SMC6: variants seen among roughly 807,000 people sequenced by gnomAD.
SMC6 encodes the protein structural maintenance of chromosomes protein 6.
A neutral mutation model predicts 142.2 loss-of-function variants in SMC6; 79 were observed. That is an observed-to-expected ratio of 0.56 (90% CI 0.46 to 0.67). SMC6 has a LOEUF of 0.67. Among genes scored for constraint, SMC6 ranks in the 30% least tolerant of loss-of-function variants. The pLI is 0.00. For synonymous variants in SMC6, 411 were observed against 412.4 expected (o/e 1.00, Z 0.04); for missense variants, 1,072 against 1,284.0 (o/e 0.83, Z 2.52).
At chr2:17,666,638 C>T in intron 26 of SMC6, 121 bp from the exon 27 acceptor site, 2 of 682,906 alleles carry the variant, frequency 2.9e-6, no homozygotes, top group African/African-American at 1.8e-5. Context: ...ATTACATTAT[C>T]TATGATGTCC....
chr2:17,730,735 T>G (rs189449689), intron 7 of SMC6, among the ~76,000 whole-genome samples: 1 of 151,668 alleles, frequency 6.6e-6, no homozygotes, highest in African/African-American at 2.4e-5. Context: ...CCCAAGTAGC[T>G]AGGATTACAG....
At chr2:17,715,298 G>C (rs1219708855) in intron 15 of SMC6, among the ~76,000 whole-genome samples, 1 of 151,998 alleles carries the variant, frequency 6.6e-6, no homozygotes, top group East Asian at 1.9e-4. Context: ...GGATACAATG[G>C]AGAGAAAATC....
rs762580775 is a variant in SMC6, at chr2:17,725,304, T to C, written c.679A>G (p.Met227Val). 3 of 1,609,584 alleles carry C rather than the reference T, an allele frequency of 1.9e-6. No homozygotes were observed. The highest frequency in any genetic ancestry group is 2.5e-6 in the Non-Finnish European group (3 of 1,179,056). The change falls in exon 9 of 28, where the codon ATG (methionine) becomes GTG (valine). Residue 227 changes from methionine (M) to valine (V), a missense_variant. Coordinates refer to ENST00000448223, the MANE Select transcript of SMC6 (RefSeq NM_001142286.2). ...TCCTTTGTTCTTTCTTTCGTTTCCA[T>C]AATGTATGAATAATCTTCCTTCATC... is the stretch of plus-strand genomic sequence containing the variant. ...EQMKEDYSYI[M>V]ETKERTKEQI...
chr2:17,727,186 C>T (rs550924156), intron 7 of SMC6, among the ~76,000 whole-genome samples: 1 of 152,144 alleles, frequency 6.6e-6, no homozygotes, highest in East Asian at 1.9e-4. Flanking sequence ...GGTGTGTTCC[C>T]GAGGGTATTG....
In SMC6 at chr2:17,717,271, C is replaced by T. The variant is rs945572431; in HGVS notation, c.1093-95G>A. 7.3e-5 allele frequency: 56 copies of T among 762,422 alleles called. No individual in the cohort carries two copies. In the East Asian group the frequency reaches 1.5e-3, roughly 21 times the overall value. The allele number at this position is 762,422 out of a possible 1,614,324, so 47.2% of individuals were successfully genotyped here. A position where few individuals can be genotyped will look rare whatever the true frequency, so the allele number is the denominator to read the frequency against. ...CAAATCTTCAGAGGCTGAATATATA[C>T]AGGAATATATTTTTTAAATGAAGCA... is the stretch of plus-strand genomic sequence containing the variant. On this transcript the variant is annotated intron_variant, in intron 12 of 27. Transcript: ENST00000448223.
In SMC6 at chr2:17,698,056, A is replaced by T. The variant is rs573160266; in HGVS notation, c.2395-1630T>A. Among the ~76,000 whole-genome samples, 7 of 152,222 alleles carry T rather than the reference A, an allele frequency of 4.6e-5. No homozygotes were observed. In the East Asian group the frequency reaches 1.3e-3, roughly 29 times the overall value. On this transcript the variant is annotated intron_variant, in intron 21 of 27. Transcript: ENST00000448223. ...GTAACAAAAGACCACATACTATATG[A>T]TTCTACTCATATGAAATATCTGGAA...
chr2:17,738,843 T>C (rs1012958354), intron 4 of SMC6, among the ~76,000 whole-genome samples: 1 of 152,092 alleles, frequency 6.6e-6, no homozygotes, highest in Non-Finnish European at 1.5e-5. Flanking sequence ...AGACACAGTG[T>C]TGGTATGTTG....
chr2:17,718,209 C>T lies in SMC6; in HGVS notation c.960G>A (p.Glu320=), dbSNP rs374248750. Residue 320 remains glutamate, a synonymous_variant, in exon 12 of 28, where the codon GAG becomes GAA. Transcript: ENST00000448223. ...GAATATCCTTGTACTTTTGTTCTGC[C>T]TCATTAAGTCTGACCTTTAAGAAAA... The part of the protein sequence containing the change: ...KMEEQQVRLN[E]AEQKYKDIQD... 1.9e-4 allele frequency: 297 copies of T among 1,597,814 alleles called. 2 individuals carry two copies. The South Asian group carries it at 2.9e-3, about 16-fold the overall frequency.
intron 7 of SMC6, among the ~76,000 whole-genome samples, chr2:17,728,907 C>T (rs1381777116): frequency 1.3e-5 from 2 of 152,092 alleles, no homozygotes; most frequent in African/African-American, 4.8e-5. Context: ...TGCCACCATG[C>T]CTGCCTAATT....
At chr2:17,715,187 T>C (rs1669022001) in intron 15 of SMC6, 122 bp from the exon 16 acceptor site, 1 of 847,530 alleles carries the variant, frequency 1.2e-6, no homozygotes, top group South Asian at 1.6e-5. Flanking sequence ...TTAAATGACT[T>C]TACAGATCAT....
At position 17,723,606 on chromosome 2, in the gene SMC6, T is replaced by C. The variant is rs570373107; in HGVS notation, c.726+1651A>G. Among the ~76,000 whole-genome samples the C allele has an allele frequency of 8.0e-4, 122 of 152,286 alleles. 1 individual carries two copies. Among genetic ancestry groups the C allele is most frequent in the South Asian group, 8.3e-4 (4 of 4,824 alleles). On this transcript the variant is annotated intron_variant, in intron 9 of 27. Transcript: ENST00000448223. Reference sequence around the variant, plus strand: ...CATCACTTCCTTAATAACTCCCCCATCATGACTGTCCCTGACACTGCCAGT... The same window carrying C: ...CATCACTTCCTTAATAACTCCCCCACCATGACTGTCCCTGACACTGCCAGT...
chr2:17,712,071 A>C (rs906231816), intron 16 of SMC6, among the ~76,000 whole-genome samples: 1 of 152,258 alleles, frequency 6.6e-6, no homozygotes, highest in Non-Finnish European at 1.5e-5. Context: ...ATGAGAACCA[A>C]GAAAATGGTG....
intron 7 of SMC6, among the ~76,000 whole-genome samples, chr2:17,728,036 A>G (rs748803528): frequency 1.3e-5 from 2 of 152,230 alleles, no homozygotes; most frequent in Non-Finnish European, 2.9e-5. Context: ...ACATCTTAAC[A>G]TCAACTTTCA....
At chr2:17,700,948 T>G (rs1347662889) in intron 20 of SMC6, among the ~76,000 whole-genome samples, 1 of 151,824 alleles carries the variant, frequency 6.6e-6, no homozygotes, top group African/African-American at 2.4e-5. Context: ...GGAGAATTGC[T>G]TGAACCCAGG....
At chr2:17,677,813 G>C (rs1354499938) in intron 25 of SMC6, among the ~76,000 whole-genome samples, 1 of 152,114 alleles carries the variant, frequency 6.6e-6, no homozygotes, top group Non-Finnish European at 1.5e-5. Flanking sequence ...AAATTAAAGA[G>C]AGAGTAAAAG....
intron 2 of SMC6, among the ~76,000 whole-genome samples, chr2:17,746,979 T>C (rs1247536516): frequency 6.6e-6 from 1 of 152,156 alleles, no homozygotes; most frequent in Non-Finnish European, 1.5e-5. Context: ...CTGGCTCCCC[T>C]ACCCATGCAA....
In SMC6 at chr2:17,716,767, C is replaced by T. The variant is rs1443557572; in HGVS notation, c.1320G>A (p.Lys440=). 1.3e-5 allele frequency: 21 copies of T among 1,610,896 alleles called. No homozygotes were observed. Among genetic ancestry groups the T allele is most frequent in the Non-Finnish European group, 1.8e-5 (21 of 1,179,230 alleles). Residue 440 remains lysine, a synonymous_variant, in exon 14 of 28, where the codon AAG becomes AAA. Coordinates refer to ENST00000448223, the MANE Select transcript of SMC6 (RefSeq NM_001142286.2). ...EIEQFQQAIE[K]DKEEHGKIKR... Reference sequence around the variant, plus strand: ...TAATTTTGCCATGTTCTTCTTTGTCCTTTTCTATGGCTTGCTGAAACTGTT... The same window carrying T: ...TAATTTTGCCATGTTCTTCTTTGTCTTTTTCTATGGCTTGCTGAAACTGTT...
At chr2:17,698,473 A>C (rs1051214561) in intron 21 of SMC6, among the ~76,000 whole-genome samples, 1 of 151,944 alleles carries the variant, frequency 6.6e-6, no homozygotes, top group Non-Finnish European at 1.5e-5. Context: ...GTCATTACGT[A>C]ATGTCCTTTT....
chr2:17,676,556 G>C (rs1667001158), intron 25 of SMC6, among the ~76,000 whole-genome samples: 1 of 151,972 alleles, frequency 6.6e-6, no homozygotes, highest in Non-Finnish European at 1.5e-5. Context: ...TGAATTTTAG[G>C]ATCAGCTTGT....
Sources: allele counts gnomAD v4.1 joint callset (sites outside exome capture counted in the v4.1 genomes callset), GRCh38; gene constraint gnomAD v4.1.1; transcripts MANE v1.5; gene names NCBI Gene and HGNC (gene_info 2026-07-23, HGNC 2026-07-21).